The following ADAMTSL1 variants were observed in gnomAD, a reference collection of about 807,000 sequenced individuals.
ADAMTSL1 encodes ADAMTS-like protein 1.
ADAMTSL1 carries 126 observed loss-of-function variants against 201.8 expected under a neutral mutation model. The observed-to-expected ratio is 0.62, with a 90% confidence interval of 0.54 to 0.72. The LOEUF (loss-of-function observed/expected upper bound fraction) is 0.72, where lower values mean the gene tolerates loss of function less well. Among genes scored for constraint, ADAMTSL1 ranks in the 30% least tolerant of loss-of-function variants. ADAMTSL1 has a pLI of 0.00. For missense variants in ADAMTSL1, 2,679 were observed against 2,277.8 expected (o/e 1.18, Z -3.59); for synonymous variants, 1,121 against 903.4 (o/e 1.24, Z -4.32).
At chr9:18,107,051 C>T (rs1032235349) in intron 1 of ADAMTSL1, among the ~76,000 whole-genome samples, 5 of 152,176 alleles carry the variant, frequency 3.3e-5, no homozygotes, top group African/African-American at 1.2e-4. Flanking sequence ...AATAGTCTTT[C>T]ATTTTTATTC....
intron 23 of ADAMTSL1, among the ~76,000 whole-genome samples, chr9:18,854,043 C>T (rs1211551806): frequency 1.3e-5 from 2 of 152,100 alleles, no homozygotes; most frequent in Non-Finnish European, 2.9e-5. Context: ...TGTGCCACAT[C>T]CTGCTATGTT....
chr9:18,720,592 G>A (rs1833280406), intron 14 of ADAMTSL1, among the ~76,000 whole-genome samples: 1 of 152,134 alleles, frequency 6.6e-6, no homozygotes, highest in Non-Finnish European at 1.5e-5. Context: ...GAGACAGACT[G>A]ACCAGCATGG....
intron 2 of ADAMTSL1, among the ~76,000 whole-genome samples, chr9:18,376,250 A>G (rs1837291145): frequency 2.0e-5 from 3 of 152,342 alleles, no homozygotes; most frequent in Middle Eastern, 3.4e-3. Flanking sequence ...CACTCATTCA[A>G]AAATATTTAT....
chr9:18,128,286 T>C (rs183877795), intron 1 of ADAMTSL1, among the ~76,000 whole-genome samples: 1 of 152,312 alleles, frequency 6.6e-6, no homozygotes, highest in East Asian at 1.9e-4. Flanking sequence ...TAATGAGATT[T>C]GCATTTATAA....
intron 2 of ADAMTSL1, among the ~76,000 whole-genome samples, chr9:18,214,123 G>A (rs1421455421): frequency 6.6e-6 from 1 of 152,002 alleles, no homozygotes; most frequent in African/African-American, 2.4e-5. Context: ...TGATCTGTAG[G>A]CTTATTTTTC....
chr9:18,307,554 C>T (rs201899577), intron 2 of ADAMTSL1, among the ~76,000 whole-genome samples: 3 of 151,914 alleles, frequency 2.0e-5, no homozygotes, highest in Admixed American at 2.0e-4. Context: ...CCTATTCTCT[C>T]ATAAAACAGA....
At chr9:18,163,322 C>G (rs1473351017) in intron 1 of ADAMTSL1, among the ~76,000 whole-genome samples, 2 of 152,010 alleles carry the variant, frequency 1.3e-5, no homozygotes, top group Non-Finnish European at 2.9e-5. Context: ...ATGTGATAAG[C>G]TCTAGATGAA....
intron 20 of ADAMTSL1, among the ~76,000 whole-genome samples, chr9:18,797,110 G>A (rs1822469933): frequency 6.6e-6 from 1 of 152,168 alleles, no homozygotes; most frequent in Non-Finnish European, 1.5e-5. Context: ...TCAAAGCCAG[G>A]GAAGAGAGAC....
At position 18,144,556 on chromosome 9, in the gene ADAMTSL1, C is replaced by T. The variant is rs142657387; in HGVS notation, c.88-19306C>T. Among the ~76,000 whole-genome samples, 16 of 152,200 alleles carry T rather than the reference C, an allele frequency of 1.1e-4. No homozygotes were observed. In the East Asian group the frequency reaches 3.1e-3, roughly 29 times the overall value. On this transcript the variant is annotated intron_variant, in intron 1 of 29. Transcript: ENST00000680146. The stretch of plus-strand genomic sequence containing the variant: ...TAAACTTACACATATGTAAAATTGG[C>T]TATTTAAATTTTCCTCCTATTTCAG...
At chr9:18,126,037 A>G (rs2131942458) in intron 1 of ADAMTSL1, among the ~76,000 whole-genome samples, 1 of 152,160 alleles carries the variant, frequency 6.6e-6, no homozygotes, top group South Asian at 2.1e-4. Context: ...TGCCACCAAA[A>G]CCTCAACACC....
intron 1 of ADAMTSL1, among the ~76,000 whole-genome samples, chr9:18,085,628 CTGTGTGTGTATATATATACATATACTCTG>C (rs1315333267): frequency 3.8e-4 from 56 of 146,796 alleles, no homozygotes; most frequent in African/African-American, 1.1e-3. Flanking sequence ...CGTATATACA[CTGTGTGTGTATATATATACATATACTCTG>C]TGTGTGTGTA....
intron 1 of ADAMTSL1, among the ~76,000 whole-genome samples, chr9:18,124,424 C>T (rs1232230313): frequency 6.6e-6 from 1 of 152,024 alleles, no homozygotes; most frequent in African/African-American, 2.4e-5. Context: ...AAATGTTTTG[C>T]CAAATTCTTG....
chr9:18,711,886 G>T (rs1407232426), intron 14 of ADAMTSL1, among the ~76,000 whole-genome samples: 1 of 151,642 alleles, frequency 6.6e-6, no homozygotes, highest in East Asian at 1.9e-4. Flanking sequence ...CTCCCAGCAT[G>T]CAGCTGGAGA....
chr9:18,662,618 G>T (rs947803782), intron 9 of ADAMTSL1, among the ~76,000 whole-genome samples: 1 of 152,050 alleles, frequency 6.6e-6, no homozygotes, highest in East Asian at 1.9e-4. Context: ...ACTTATTCTC[G>T]GTAGTCAGAT....
intron 14 of ADAMTSL1, among the ~76,000 whole-genome samples, chr9:18,720,974 T>C (rs1383231838): frequency 2.6e-5 from 4 of 152,070 alleles, no homozygotes; most frequent in Admixed American, 2.6e-4. Flanking sequence ...TCCTTCTTTG[T>C]TCCAACTTCC....
intron 3 of ADAMTSL1, among the ~76,000 whole-genome samples, chr9:18,546,011 G>A (rs931386197): frequency 6.6e-6 from 1 of 152,034 alleles, no homozygotes; most frequent in Non-Finnish European, 1.5e-5. Context: ...CTTTGTGCTG[G>A]GTACTATAAG....
chr9:18,536,738 G>T (rs1210582293), intron 3 of ADAMTSL1, among the ~76,000 whole-genome samples: 3 of 152,164 alleles, frequency 2.0e-5, no homozygotes, highest in Non-Finnish European at 2.9e-5. Context: ...GTAGAAAATA[G>T]GTGTGAGCTA....
intron 18 of ADAMTSL1, 116 bp from the exon 19 acceptor site, chr9:18,776,665 C>T (rs1317892961): frequency 8.2e-7 from 1 of 1,220,430 alleles, no homozygotes; most frequent in East Asian, 2.6e-5. Flanking sequence ...CTTCGTCTCT[C>T]CTTCTCTTCT....
At chr9:18,275,756 G>A (rs1353705326) in intron 2 of ADAMTSL1, among the ~76,000 whole-genome samples, 4 of 152,084 alleles carry the variant, frequency 2.6e-5, no homozygotes, top group Non-Finnish European at 4.4e-5. Flanking sequence ...TAATCCTTTA[G>A]TGAGTCATAG....
Sources: gnomAD v4.1 joint callset for allele counts (sites outside exome capture counted in the v4.1 genomes callset) on GRCh38, gnomAD v4.1.1 for gene constraint, MANE v1.5 for transcripts, NCBI Gene and HGNC (gene_info 2026-07-23, HGNC 2026-07-21) for gene names.